Variants in KCNQ5 observed in about 807,000 individuals in gnomAD.
KCNQ5 encodes the protein potassium voltage-gated channel subfamily Q member 5, also known as potassium voltage-gated channel subfamily KQT member 5.
KCNQ5 carries 30 observed loss-of-function variants against 98.2 expected under a neutral mutation model. The observed-to-expected ratio is 0.31, with a 90% CI of 0.23 to 0.41. KCNQ5 has a LOEUF of 0.41. Ranked by LOEUF, KCNQ5 falls within the 10% of genes least tolerant of loss-of-function variation. KCNQ5 has a pLI of 1.00. For synonymous variants in KCNQ5, 458 were observed against 449.4 expected (o/e 1.02, Z -0.24); for missense variants, 835 against 1,182.5 (o/e 0.71, Z 4.31).
At chr6:72,818,379 T>G (rs1032527413) in intron 1 of KCNQ5, among the ~76,000 whole-genome samples, 1 of 152,108 alleles carries the variant, frequency 6.6e-6, no homozygotes, top group Non-Finnish European at 1.5e-5. Context: ...GTTAGAATTT[T>G]TAAAAACGAT....
chr6:73,173,846 G>T (rs1778107094), intron 11 of KCNQ5, among the ~76,000 whole-genome samples: 1 of 151,660 alleles, frequency 6.6e-6, no homozygotes, highest in South Asian at 2.1e-4. Context: ...ATATACAACT[G>T]CATATTTATG....
At chr6:72,833,442 C>T (rs962579091) in intron 1 of KCNQ5, among the ~76,000 whole-genome samples, 32 of 152,228 alleles carry the variant, frequency 2.1e-4, no homozygotes, top group Non-Finnish European at 4.3e-4. Flanking sequence ...TTTGAAGTGA[C>T]GTGTATTACC....
At chr6:73,115,161 G>GA (rs1007918921) in intron 7 of KCNQ5, among the ~76,000 whole-genome samples, 18 of 147,300 alleles carry the variant, frequency 1.2e-4, no homozygotes, top group African/African-American at 4.0e-4. Context: ...AACAGACTCA[G>GA]AAAAAAAAAT....
chr6:72,789,042 T>C (rs1773898000), intron 1 of KCNQ5, among the ~76,000 whole-genome samples: 1 of 152,312 alleles, frequency 6.6e-6, no homozygotes, highest in African/African-American at 2.4e-5. Flanking sequence ...TACTTTCTGA[T>C]GGTGGAGCCA....
intron 1 of KCNQ5, among the ~76,000 whole-genome samples, chr6:72,822,339 A>T (rs920945219): frequency 7.2e-5 from 11 of 152,238 alleles, no homozygotes; most frequent in African/African-American, 2.7e-4. Flanking sequence ...ACCTCTAGAC[A>T]TAAGAGATGT....
At chr6:72,805,505 T>C (rs1366981141) in intron 1 of KCNQ5, among the ~76,000 whole-genome samples, 1 of 152,152 alleles carries the variant, frequency 6.6e-6, no homozygotes, top group African/African-American at 2.4e-5. Context: ...TTCTGGGTTC[T>C]CTATTCTGTT....
intron 1 of KCNQ5, among the ~76,000 whole-genome samples, chr6:72,835,569 T>C (rs1193106174): frequency 1.3e-5 from 2 of 152,200 alleles, no homozygotes; most frequent in African/African-American, 4.8e-5. Context: ...AACCATGTTA[T>C]TTATTATAAT....
chr6:73,158,316 G>A (rs1457140577), intron 10 of KCNQ5, among the ~76,000 whole-genome samples: 1 of 149,152 alleles, frequency 6.7e-6, no homozygotes, highest in African/African-American at 2.4e-5. Context: ...TCGCCAGGCT[G>A]GGGTGCAATG....
chr6:72,986,757 A>G, intron 1 of KCNQ5: 1 of 1,479,950 alleles, frequency 6.8e-7, no homozygotes, highest in Non-Finnish European at 9.4e-7. Context: ...ACCTCCCCAG[A>G]CCCCAGACAG....
intron 1 of KCNQ5, among the ~76,000 whole-genome samples, chr6:72,633,340 A>G (rs1453464817): frequency 6.6e-6 from 1 of 152,166 alleles, no homozygotes. Flanking sequence ...TGTCAGATGC[A>G]TAGATTGTGA....
chr6:72,794,696 T>G (rs1418137348), intron 1 of KCNQ5, among the ~76,000 whole-genome samples: 1 of 152,040 alleles, frequency 6.6e-6, no homozygotes, highest in Non-Finnish European at 1.5e-5. Flanking sequence ...TAATGAGGGG[T>G]GTATGTCTGT....
At chr6:72,713,267 C>T (rs11970382) in intron 1 of KCNQ5, among the ~76,000 whole-genome samples, 2,229 of 152,272 alleles carry the variant, frequency 0.015, 49 homozygotes, top group African/African-American at 0.051. Flanking sequence ...GAACTCCAGG[C>T]GTCCCAAACG....
At chr6:72,899,381 CT>C in intron 1 of KCNQ5, among the ~76,000 whole-genome samples, 1 of 152,182 alleles carries the variant, frequency 6.6e-6, no homozygotes, top group African/African-American at 2.4e-5. Context: ...TGTGCATTGG[CT>C]TTTTCCTTCT....
At chr6:73,091,723 T>TTTG (rs1554207628) in intron 5 of KCNQ5, among the ~76,000 whole-genome samples, 1 of 20,000 alleles carries the variant, frequency 5.0e-5, no homozygotes, top group African/African-American at 6.1e-5. Context: ...TGGGTTTGTT[T>TTTG]TTGTTGTTGT....
At chr6:73,010,145 A>C (rs1769994987) in intron 2 of KCNQ5, among the ~76,000 whole-genome samples, 1 of 152,280 alleles carries the variant, frequency 6.6e-6, no homozygotes, top group African/African-American at 2.4e-5. Flanking sequence ...TATTAAGAGG[A>C]TTATACACCT....
chr6:72,958,729 G>A (rs758060850), intron 1 of KCNQ5, among the ~76,000 whole-genome samples: 5 of 152,174 alleles, frequency 3.3e-5, no homozygotes, highest in Non-Finnish European at 7.3e-5. Flanking sequence ...AACAATCCCA[G>A]TGGCATAAAT....
At chr6:72,851,560 A>G (rs1036245824) in intron 1 of KCNQ5, among the ~76,000 whole-genome samples, 1 of 152,096 alleles carries the variant, frequency 6.6e-6, no homozygotes, top group African/African-American at 2.4e-5. Context: ...TACCAAAAAG[A>G]TCATTTTCTG....
At chr6:72,894,089 G>C (rs1408261836) in intron 1 of KCNQ5, among the ~76,000 whole-genome samples, 1 of 152,146 alleles carries the variant, frequency 6.6e-6, no homozygotes, top group South Asian at 2.1e-4. Flanking sequence ...AACTAAAAAC[G>C]TTCTCAAACA....
In KCNQ5 at chr6:72,910,696, C is replaced by T. The variant is rs9442869; in HGVS notation, c.399-93212C>T. On this transcript the variant is annotated intron_variant, in intron 1 of 13. Coordinates refer to ENST00000370398, the MANE Select transcript of KCNQ5 (RefSeq NM_019842.4). ...CTCCTTCTCTTCTAACTCAAATACC[C>T]TTGCACTCTAAATTTTGTTGCTGTG... Among the ~76,000 whole-genome samples, 583 of 151,940 alleles carry T rather than the reference C, an allele frequency of 3.8e-3. 2 individuals carry two copies. Among genetic ancestry groups the T allele is most frequent in the African/African-American group, 0.014 (563 of 41,434 alleles).
Sources: gnomAD v4.1 joint callset for allele counts (sites outside exome capture counted in the v4.1 genomes callset) on GRCh38, gnomAD v4.1.1 for gene constraint, MANE v1.5 for transcripts, NCBI Gene and HGNC (gene_info 2026-07-23, HGNC 2026-07-21) for gene names.